The following PTTG1 variants were observed in gnomAD, a reference collection of about 807,000 sequenced individuals.
PTTG1 encodes the protein PTTG1 regulator of sister chromatid separation, securin.
Under a neutral mutation model 20.0 loss-of-function variants are expected in PTTG1, and 8 were observed. The observed-to-expected ratio is 0.40, with a 90% confidence interval of 0.23 to 0.72. The LOEUF is 0.72. PTTG1 is among the 30% of genes least tolerant of loss of function. The pLI, the probability that PTTG1 is intolerant of heterozygous loss-of-function variation, is 0.38. For synonymous variants in PTTG1, 79 were observed against 87.2 expected, an observed-to-expected ratio of 0.91 and a Z score of 0.52; for missense variants, 197 against 236.0, an observed-to-expected ratio of 0.83 and a Z score of 1.08.
intron 2 of PTTG1, 25 bp downstream of exon 2, chr5:160,422,428 A>G: frequency 6.3e-7 from 1 of 1,586,202 alleles, no homozygotes; most frequent in Non-Finnish European, 8.7e-7. Flanking sequence ...CTGCAGTCGG[A>G]TACACTGGTA....
At chr5:160,424,156 C>A in intron 3 of PTTG1, 81 bp from the exon 4 acceptor site, 1 of 965,312 alleles carries the variant, frequency 1.0e-6, no homozygotes, top group Non-Finnish European at 1.6e-6. Flanking sequence ...TAGAAGGCAG[C>A]ATGAAATTGA....
At chr5:160,425,880 C>T (rs138266622) in intron 4 of PTTG1, among the ~76,000 whole-genome samples, 85 of 152,250 alleles carry the variant, frequency 5.6e-4, no homozygotes, top group Non-Finnish European at 1.0e-3. Context: ...TTCACACCTA[C>T]GGACAAAGAT....
intron 4 of PTTG1, among the ~76,000 whole-genome samples, chr5:160,427,345 C>T (rs1038244913): frequency 2.6e-5 from 4 of 152,206 alleles, no homozygotes; most frequent in Non-Finnish European, 4.4e-5. Flanking sequence ...CTCATTTTAT[C>T]ACACAGAACA....
intron 1 of PTTG1, 177 bp downstream of exon 1, chr5:160,422,068 C>G (rs1271163687): frequency 5.1e-6 from 2 of 393,884 alleles, no homozygotes; most frequent in Non-Finnish European, 9.3e-6. Context: ...CCAACGGCAA[C>G]TGTCTGATGA....
At chr5:160,427,559 T>A (rs1298563076) in intron 4 of PTTG1, among the ~76,000 whole-genome samples, 156 bp from the exon 5 acceptor site, 1 of 152,210 alleles carries the variant, frequency 6.6e-6, no homozygotes, top group Non-Finnish European at 1.5e-5. Flanking sequence ...CTTGGTACCA[T>A]CATTACAAAT....
At position 160,422,286 on chromosome 5, in the gene PTTG1, T is replaced by C; in HGVS notation, c.-11-16T>C. 6.4e-7 allele frequency: 1 copy of C among 1,568,440 alleles called. No individual in the cohort carries two copies. Among genetic ancestry groups the C allele is most frequent in the Non-Finnish European group, 8.8e-7 (1 of 1,138,426 alleles). Reference sequence around the variant, plus strand: ...CCCACCTTCCCCAATATCTAATATGTATTTCTCATTCTTAGAATAATCCAG... The same window carrying C: ...CCCACCTTCCCCAATATCTAATATGCATTTCTCATTCTTAGAATAATCCAG... On this transcript the variant is annotated splice_polypyrimidine_tract_variant and intron_variant, in intron 1 of 5. Coordinates refer to ENST00000352433, the MANE Select transcript of PTTG1 (RefSeq NM_004219.4).
intron 5 of PTTG1, among the ~76,000 whole-genome samples, chr5:160,428,148 A>G (rs538507100): frequency 1.3e-5 from 2 of 152,350 alleles, no homozygotes; most frequent in East Asian, 3.9e-4. Flanking sequence ...AAGTTGAAGC[A>G]TATATAATAA....
chr5:160,422,283 ATG>A lies in PTTG1; in HGVS notation c.-11-17_-11-16del. ...TCTCCCACCTTCCCCAATATCTAAT[ATG>A]TATTTCTCATTCTTAGAATAATCCA... On this transcript the variant is annotated splice_polypyrimidine_tract_variant and intron_variant, in intron 1 of 5. Transcript: ENST00000352433. The A allele has an allele frequency of 1.3e-6, 2 of 1,565,128 alleles. No individual in the cohort carries two copies. The highest frequency in any genetic ancestry group is 1.8e-6 in the Non-Finnish European group (2 of 1,135,544).
Position 160,427,570 on chromosome 5 carries a change from G to A in PTTG1, c.371-145G>A, listed in dbSNP as rs555175266. On this transcript the variant is annotated intron_variant, in intron 4 of 5. Transcript: ENST00000352433. ...CTGCCTTGGTACCATCATTACAAAT[G>A]TCAACCCAGTGGAAAAAGGTGTGAA... is the stretch of plus-strand genomic sequence containing the variant. The A allele has an allele frequency of 6.6e-5, 61 of 926,932 alleles. No homozygotes were observed. The East Asian group carries it at 1.5e-3, about 23-fold the overall frequency. The allele number at this position is 926,932 out of a possible 1,614,324, so 57.4% of individuals were successfully genotyped here.
chr5:160,428,542 T>G, intron 5 of PTTG1, 60 bp from the exon 6 acceptor site: 3 of 1,416,942 alleles, frequency 2.1e-6, no homozygotes, highest in African/African-American at 1.4e-5. Context: ...ATGTCTATGT[T>G]GATATGGACA....
At chr5:160,428,183 G>A (rs1322622884) in intron 5 of PTTG1, among the ~76,000 whole-genome samples, 1 of 152,164 alleles carries the variant, frequency 6.6e-6, no homozygotes, top group East Asian at 1.9e-4. Context: ...ATGATTCCAT[G>A]TTATATCCAA....
At position 160,423,092 on chromosome 5, in the gene PTTG1, AATGCATATTTTTGCCTC is replaced by A. The variant is rs534751068; in HGVS notation, c.276+218_276+234del. 241 of 617,418 alleles carry A rather than the reference AATGCATATTTTTGCCTC, an allele frequency of 3.9e-4. 2 individuals carry two copies. In the East Asian group the frequency reaches 5.2e-3, roughly 13 times the overall value. The allele number at this position is 617,418 out of a possible 1,614,324, so 38.2% of individuals were successfully genotyped here. A position where few individuals can be genotyped will look rare whatever the true frequency, so the allele number is the denominator to read the frequency against. ...GAGATTGGAAATCTCAGATGCAGCTAATGCATATTTTTGCCTCATGCATATTTTTGCCTCACCTGTCC... is the reference window on the plus strand; with the variant it reads ...GAGATTGGAAATCTCAGATGCAGCTAATGCATATTTTTGCCTCACCTGTCC... On this transcript the variant is annotated intron_variant, in intron 3 of 5. Coordinates refer to ENST00000352433, the MANE Select transcript of PTTG1 (RefSeq NM_004219.4).
At chr5:160,428,467 G>A (rs756996200) in intron 5 of PTTG1, 135 bp from the exon 6 acceptor site, 5 of 752,474 alleles carry the variant, frequency 6.6e-6, no homozygotes, top group South Asian at 3.4e-5. Context: ...CAAAAAATGT[G>A]TCAGGAGGGG....
At chr5:160,426,986 G>A (rs887033214) in intron 4 of PTTG1, among the ~76,000 whole-genome samples, 2 of 152,166 alleles carry the variant, frequency 1.3e-5, no homozygotes, top group Non-Finnish European at 2.9e-5. Context: ...AGGTTGCAGT[G>A]AACGGAGATT....
intron 3 of PTTG1, 134 bp downstream of exon 3, chr5:160,423,027 G>C (rs1380801245): frequency 1.1e-6 from 1 of 874,526 alleles, no homozygotes; most frequent in Non-Finnish European, 1.8e-6. Context: ...CAGAGTAGTG[G>C]AGGAGACTCA....
chr5:160,428,274 T>C (rs534433393), intron 5 of PTTG1, among the ~76,000 whole-genome samples: 2 of 152,336 alleles, frequency 1.3e-5, no homozygotes, highest in South Asian at 2.1e-4. Context: ...AGGTCTTCGT[T>C]TGAACTGGTA....
chr5:160,428,559 C>T (rs1283758046), intron 5 of PTTG1, 43 bp from the exon 6 acceptor site: 12 of 1,546,888 alleles, frequency 7.8e-6, no homozygotes, highest in Non-Finnish European at 1.1e-5. Flanking sequence ...GACAATGACT[C>T]AAGGATTTGC....
chr5:160,427,380 G>A (rs1221971922), intron 4 of PTTG1, among the ~76,000 whole-genome samples: 2 of 152,182 alleles, frequency 1.3e-5, no homozygotes, highest in African/African-American at 2.4e-5. Flanking sequence ...CAAGGATGGA[G>A]AGCTAATAAA....
chr5:160,424,813 A>G (rs965624246), intron 4 of PTTG1: 1 of 153,322 alleles, frequency 6.5e-6, no homozygotes, highest in Non-Finnish European at 1.5e-5. Flanking sequence ...TTCAAGCTTT[A>G]ATTTACTCAA....
Sources: allele counts gnomAD v4.1 joint callset (sites outside exome capture counted in the v4.1 genomes callset), GRCh38; gene constraint gnomAD v4.1.1; transcripts MANE v1.5; gene names NCBI Gene and HGNC (gene_info 2026-07-23, HGNC 2026-07-21).